Variants in THSD7A observed in about 807,000 individuals in gnomAD.
THSD7A encodes thrombospondin type 1 domain containing 7A, also known as thrombospondin type-1 domain-containing protein 7A.
A neutral mutation model predicts 231.3 loss-of-function variants in THSD7A; 96 were observed. The ratio of observed to expected loss-of-function variants is 0.41; its 90% confidence interval spans 0.35 to 0.49. THSD7A has a LOEUF of 0.49. Among genes scored for constraint, THSD7A ranks in the 20% least tolerant of loss-of-function variants. The pLI is 0.05. For synonymous variants in THSD7A, 940 were observed against 743.3 expected (o/e 1.26, Z -4.30); for missense variants, 2,290 against 2,070.2 (o/e 1.11, Z -2.06).
intron 1 of THSD7A, among the ~76,000 whole-genome samples, chr7:11,750,820 C>T (rs982371515): frequency 7.9e-5 from 12 of 151,978 alleles, no homozygotes; most frequent in Non-Finnish European, 1.5e-4. Context: ...AGTAAAGATA[C>T]TCCTGAGGAA....
At chr7:11,517,119 C>A (rs963867811) in intron 6 of THSD7A, among the ~76,000 whole-genome samples, 6 of 152,114 alleles carry the variant, frequency 3.9e-5, no homozygotes, top group Non-Finnish European at 7.4e-5. Context: ...CTCACCTTTG[C>A]CTGGGCTAGA....
rs570723941 is a variant in THSD7A, at chr7:11,813,158, C to A, written c.190+18599G>T. Among the ~76,000 whole-genome samples, 5 of 152,184 alleles carry A rather than the reference C, an allele frequency of 3.3e-5. No homozygotes were observed. In the East Asian group the frequency reaches 9.7e-4, roughly 29 times the overall value. Reference sequence around the variant, plus strand: ...GATAAGTCATGAGAGCTCTGCCATCCCAACTACTTTATTTTTTTCTTTATT... The same window carrying A: ...GATAAGTCATGAGAGCTCTGCCATCACAACTACTTTATTTTTTTCTTTATT... On this transcript the variant is annotated intron_variant, in intron 1 of 27. Coordinates refer to ENST00000423059, the MANE Select transcript of THSD7A (RefSeq NM_015204.3).
At position 11,801,938 on chromosome 7, in the gene THSD7A, C is replaced by A. The variant is rs184826026; in HGVS notation, c.190+29819G>T. 8.5e-5 allele frequency among the ~76,000 whole-genome samples: 13 copies of A among 152,228 alleles called. No individual in the cohort carries two copies. In the East Asian group the frequency reaches 2.5e-3, roughly 29 times the overall value. Reference sequence around the variant, plus strand: ...AAATCAGTTGACATAAATTATTTTACTATTATTTTTTACAATGTGAATATA... The same window carrying A: ...AAATCAGTTGACATAAATTATTTTAATATTATTTTTTACAATGTGAATATA... On this transcript the variant is annotated intron_variant, in intron 1 of 27. Transcript: ENST00000423059.
chr7:11,535,841 C>T (rs1788894276), intron 6 of THSD7A, among the ~76,000 whole-genome samples: 1 of 152,096 alleles, frequency 6.6e-6, no homozygotes, highest in Admixed American at 6.6e-5. Context: ...TCAAGGTTCT[C>T]ACCAAGGTTT....
At chr7:11,628,461 G>T (rs6951815) in intron 2 of THSD7A, among the ~76,000 whole-genome samples, 33,108 of 151,964 alleles carry the variant, frequency 0.22, 6,379 homozygotes, top group African/African-American at 0.52. Context: ...AATCCTTAAC[G>T]CTAGCAGCAT....
intron 1 of THSD7A, among the ~76,000 whole-genome samples, chr7:11,784,281 G>C (rs1783721240): frequency 6.7e-6 from 1 of 149,956 alleles, no homozygotes; most frequent in African/African-American, 2.5e-5. Flanking sequence ...ATTCTGCTTG[G>C]CATTTTTTTA....
At chr7:11,517,430 A>AT (rs1278619968) in intron 6 of THSD7A, among the ~76,000 whole-genome samples, 1 of 151,864 alleles carries the variant, frequency 6.6e-6, no homozygotes, top group East Asian at 1.9e-4. Context: ...AAGAGTTAAA[A>AT]AAAAAAGGTT....
At chr7:11,441,594 C>T (rs1275260237) in intron 13 of THSD7A, among the ~76,000 whole-genome samples, 1 of 151,984 alleles carries the variant, frequency 6.6e-6, no homozygotes, top group East Asian at 1.9e-4. Context: ...TTGCTACCCT[C>T]TCTTATTTCC....
intron 4 of THSD7A, among the ~76,000 whole-genome samples, chr7:11,580,312 T>C (rs139687413): frequency 6.6e-6 from 1 of 152,156 alleles, no homozygotes; most frequent in Non-Finnish European, 1.5e-5. Flanking sequence ...AAAATTCACC[T>C]GAGGAATAAG....
chr7:11,405,187 G>A (rs73066780), intron 22 of THSD7A, among the ~76,000 whole-genome samples: 152 of 146,624 alleles, frequency 1.0e-3, no homozygotes, highest in Non-Finnish European at 1.6e-3. Flanking sequence ...TAAGTAACTC[G>A]ATGAGTGAAT....
intron 1 of THSD7A, among the ~76,000 whole-genome samples, chr7:11,645,622 T>C (rs1389698592): frequency 1.3e-5 from 2 of 151,854 alleles, no homozygotes; most frequent in East Asian, 3.9e-4. Context: ...GATTTAAAGG[T>C]ACCTTTCAAA....
intron 1 of THSD7A, among the ~76,000 whole-genome samples, chr7:11,719,851 C>T (rs1273625022): frequency 6.6e-6 from 1 of 151,740 alleles, no homozygotes; most frequent in African/African-American, 2.4e-5. Context: ...GAACCCTATA[C>T]ATAAACCTAA....
chr7:11,792,018 C>A (rs1323664751), intron 1 of THSD7A, among the ~76,000 whole-genome samples: 2 of 151,936 alleles, frequency 1.3e-5, no homozygotes, highest in Admixed American at 1.3e-4. Flanking sequence ...AAACTGTGAA[C>A]TATGATTTTC....
rs546588455 is a variant in THSD7A, at chr7:11,637,756, A to G, written c.191-795T>C. 6.6e-6 allele frequency among the ~76,000 whole-genome samples: 1 copy of G among 152,292 alleles called. No homozygotes were observed. The highest frequency in any genetic ancestry group is 6.5e-5 in the Admixed American group (1 of 15,296). Reference sequence around the variant, plus strand: ...ACAGAGCTGTTTGATGTGATACTTAAATCAGTGGCTTTAATATGAAATATG... The same window carrying G: ...ACAGAGCTGTTTGATGTGATACTTAGATCAGTGGCTTTAATATGAAATATG... On this transcript the variant is annotated intron_variant, in intron 1 of 27. Transcript: ENST00000423059. The surrounding 1 kb of genome is among the most constrained non-coding windows in gnomAD (Gnocchi z 4.2).
At chr7:11,385,536 A>T (rs984600648) in intron 23 of THSD7A, 1 of 152,140 alleles carries the variant, frequency 6.6e-6, no homozygotes, top group African/African-American at 2.4e-5. Context: ...ATAAAAAATT[A>T]TATCTTTATT....
At chr7:11,483,038 TATTTTGGCACAGAATATAATCATA>T (rs1786494942) in intron 6 of THSD7A, among the ~76,000 whole-genome samples, 1 of 152,172 alleles carries the variant, frequency 6.6e-6, no homozygotes, top group South Asian at 2.1e-4. Flanking sequence ...ATTAACCTGC[TATTTTGGCACAGAATATAATCATA>T]ATTCTGGGTG....
intron 1 of THSD7A, among the ~76,000 whole-genome samples, chr7:11,791,018 A>C (rs1427726698): frequency 1.3e-5 from 2 of 152,006 alleles, no homozygotes; most frequent in Non-Finnish European, 2.9e-5. Context: ...AGAATAAAAA[A>C]CATAGTGAGA....
chr7:11,565,357 ATTAT>A (rs1434947843), intron 4 of THSD7A, among the ~76,000 whole-genome samples: 1 of 152,196 alleles, frequency 6.6e-6, no homozygotes, highest in Non-Finnish European at 1.5e-5. Context: ...TCCAAATATA[ATTAT>A]TTATCACAAA....
chr7:11,610,318 C>G (rs760067029), intron 2 of THSD7A, among the ~76,000 whole-genome samples: 39 of 152,078 alleles, frequency 2.6e-4, no homozygotes, highest in Admixed American at 1.4e-3. Context: ...CTTACTTATT[C>G]ACTTGTTTAT....
Sources: allele counts gnomAD v4.1 joint callset (sites outside exome capture counted in the v4.1 genomes callset), GRCh38; gene constraint gnomAD v4.1.1; non-coding constraint Gnocchi (gnomAD v3.1); transcripts MANE v1.5; gene names NCBI Gene and HGNC (gene_info 2026-07-23, HGNC 2026-07-21).